SEMA4F: variants seen among roughly 807,000 people sequenced by gnomAD.
The protein encoded by SEMA4F is semaphorin-4F.
In SEMA4F, 51 loss-of-function variants were observed where a neutral mutation model predicts 78.4. That is an observed-to-expected ratio of 0.65 (90% CI 0.52 to 0.82). SEMA4F has a LOEUF of 0.82. Ranked by LOEUF, SEMA4F falls within the 40% of genes least tolerant of loss-of-function variation. The pLI, the probability that SEMA4F is intolerant of heterozygous loss-of-function variation, is 0.00. For synonymous variants in SEMA4F, 418 were observed against 408.7 expected (o/e 1.02, Z -0.27); for missense variants, 938 against 1,014.4 (o/e 0.92, Z 1.02).
At position 74,657,886 on chromosome 2, in the gene SEMA4F, A is replaced by G; in HGVS notation, c.391A>G (p.Ile131Val). 1 of 1,614,190 alleles carries G rather than the reference A, an allele frequency of 6.2e-7. No homozygotes were observed. The highest frequency in any genetic ancestry group is 8.5e-7 in the Non-Finnish European group (1 of 1,180,032). Residue 131 changes from isoleucine to valine, a missense_variant, in exon 4 of 14, where the codon ATT (isoleucine) becomes GTT (valine). Physicochemically the swap from Ile to Val is conservative, Grantham distance 29 (BLOSUM62 3). Coordinates refer to ENST00000357877, the MANE Select transcript of SEMA4F (RefSeq NM_004263.5). The stretch of plus-strand genomic sequence containing the variant: ...TCACAATTTTGTCCAGATTCTCGCC[A>G]TTGCCAATGCCTCTCACCTCCTCAC... ...ECHNFVQILA[I>V]ANASHLLTCG...
chr2:74,698,923 C>T, the SEMA4F span, among the ~76,000 whole-genome samples: 30 of 152,216 alleles, frequency 2.0e-4, no homozygotes, highest in Non-Finnish European at 4.0e-4. Flanking sequence ...TGCATAAGCT[C>T]CATTTTGCTT....
intron 4 of SEMA4F, among the ~76,000 whole-genome samples, chr2:74,662,387 C>T (rs969335218): frequency 6.6e-6 from 1 of 152,170 alleles, no homozygotes; most frequent in African/African-American, 2.4e-5. Flanking sequence ...GTTACAAACC[C>T]TACAGTTCAG....
the SEMA4F span, among the ~76,000 whole-genome samples, chr2:74,707,466 T>A: frequency 6.6e-6 from 1 of 151,934 alleles, no homozygotes; most frequent in South Asian, 2.1e-4. Flanking sequence ...AAATGTTCAT[T>A]GTATTCTTGC....
chr2:74,668,818 C>T lies in SEMA4F; in HGVS notation c.551-4639C>T, dbSNP rs138638745. Among the ~76,000 whole-genome samples the T allele has an allele frequency of 6.9e-3, 1,035 of 149,336 alleles. 6 individuals carry two copies. Among genetic ancestry groups the T allele is most frequent in the African/African-American group, 0.017 (678 of 40,248 alleles). On this transcript the variant is annotated intron_variant, in intron 5 of 13. Coordinates refer to ENST00000357877, the MANE Select transcript of SEMA4F (RefSeq NM_004263.5). ...CTAATTTTTATATTTTTAGCAGAGA[C>T]GGGGTTTTGCCTTGTTGGCCAGGCT...
At position 74,654,428 on chromosome 2, in the gene SEMA4F, T is replaced by C. The variant is rs530989148; in HGVS notation, c.52T>C (p.Ser18Pro). 5.1e-6 allele frequency: 8 copies of C among 1,562,256 alleles called. No individual in the cohort carries two copies. Among genetic ancestry groups the C allele is most frequent in the Admixed American group, 3.6e-5 (2 of 55,544 alleles). ...CCCGGGTCCCGGGCAGCCTACAGCC[T>C]CGCCCTTCCCGCTACTGCTGCTGGC... is the stretch of plus-strand genomic sequence containing the variant. Reference protein sequence around the residue: ...PRPGPGQPTASPFPLLLLAVL... With the variant: ...PRPGPGQPTAPPFPLLLLAVL... Residue 18 changes from serine (S) to proline (P), a missense_variant, in exon 1 of 14, where the codon TCG becomes CCG. Transcript: ENST00000357877.
chr2:74,699,384 A>G, the SEMA4F span, among the ~76,000 whole-genome samples: 1 of 152,110 alleles, frequency 6.6e-6, no homozygotes, highest in African/African-American at 2.4e-5. Flanking sequence ...TGGATCAGAT[A>G]CCTCCTAGGT....
downstream of SEMA4F, among the ~76,000 whole-genome samples, chr2:74,687,114 G>A (rs773230594): frequency 8.5e-5 from 13 of 152,230 alleles, no homozygotes; most frequent in Non-Finnish European, 1.9e-4. Flanking sequence ...AGCCTCACAT[G>A]TTAGGACCTC....
intron 1 of SEMA4F, among the ~76,000 whole-genome samples, chr2:74,655,654 G>T (rs561167660): frequency 6.6e-6 from 1 of 152,210 alleles, no homozygotes; most frequent in South Asian, 2.1e-4. Flanking sequence ...GCCAGGCTGG[G>T]TTGATGTCCA....
rs758689371 is a variant in SEMA4F, at chr2:74,654,563, A to G, written c.145+42A>G. 5.5e-6 allele frequency: 8 copies of G among 1,444,166 alleles called. No homozygotes were observed. In the African/African-American group the frequency reaches 1.2e-4, roughly 21 times the overall value. The allele number at this position is 1,444,166 out of a possible 1,614,324, so 89.5% of individuals were successfully genotyped here. On this transcript the variant is annotated intron_variant, in intron 1 of 13. Transcript: ENST00000357877. ...CACGCCCTCAGCCCTTCGCGCCCAC[A>G]CCCACACCCACACCCACCTGCTCCT...
chr2:74,665,902 GTT>G (rs1203822562), intron 5 of SEMA4F, among the ~76,000 whole-genome samples: 4 of 135,958 alleles, frequency 2.9e-5, no homozygotes, highest in African/African-American at 1.1e-4. Context: ...AGTAATTTTT[GTT>G]TTTTTTTTTT....
In SEMA4F at chr2:74,664,806, T is replaced by C. The variant is rs150807006; in HGVS notation, c.550+1981T>C. Among the ~76,000 whole-genome samples the C allele has an allele frequency of 4.6e-3, 696 of 152,344 alleles. 6 individuals are homozygous for C. Among genetic ancestry groups the C allele is most frequent in the African/African-American group, 0.016 (668 of 41,592 alleles). ...TCATGTTCTTGGACCAGTTAAGAGG[T>C]AGGATATTAGTATTTCAATTACATA... On this transcript the variant is annotated intron_variant, in intron 5 of 13. Transcript: ENST00000357877.
the SEMA4F span, among the ~76,000 whole-genome samples, chr2:74,701,216 G>A: frequency 6.6e-6 from 1 of 152,084 alleles, no homozygotes. Flanking sequence ...TCCTATTGAG[G>A]TGATCACTGG....
intron 5 of SEMA4F, among the ~76,000 whole-genome samples, chr2:74,669,512 G>C (rs113128591): frequency 0.018 from 2,799 of 152,144 alleles, 87 homozygotes; most frequent in African/African-American, 0.064. Context: ...TTGAACCTGG[G>C]AGGCGGAGAT....
At chr2:74,674,724 G>C in intron 8 of SEMA4F, 48 bp downstream of exon 8, 1 of 1,596,564 alleles carries the variant, frequency 6.3e-7, no homozygotes, top group Non-Finnish European at 8.5e-7. Flanking sequence ...GAGATATGTG[G>C]GGTTGGCACA....
chr2:74,660,656 G>C (rs1031267655), intron 4 of SEMA4F, among the ~76,000 whole-genome samples: 2 of 152,318 alleles, frequency 1.3e-5, no homozygotes, highest in Non-Finnish European at 1.5e-5. Flanking sequence ...TTTCAGACCC[G>C]AGTTAAATGT....
rs1240683878 is a variant in SEMA4F, at chr2:74,656,045, G to A, written c.146-489G>A. ...TTTTTTTGAAGCGGAGTCTTGCTCT[G>A]TCACCCAGGCTGGTGTGCAGTGGTG... On this transcript the variant is annotated intron_variant, in intron 1 of 13. Transcript: ENST00000357877. 2.7e-5 allele frequency among the ~76,000 whole-genome samples: 4 copies of A among 150,390 alleles called. No individual in the cohort carries two copies. The East Asian group carries it at 5.8e-4, about 22-fold the overall frequency.
chr2:74,676,652 C>T (rs958131260), intron 12 of SEMA4F, among the ~76,000 whole-genome samples: 2 of 152,140 alleles, frequency 1.3e-5, no homozygotes, highest in Non-Finnish European at 2.9e-5. Context: ...TTCTAGCACC[C>T]AAATGTCCTT....
chr2:74,706,067 C>T, the SEMA4F span, among the ~76,000 whole-genome samples: 1,630 of 151,712 alleles, frequency 0.011, 31 homozygotes, highest in African/African-American at 0.038. Context: ...ACATTTTAGG[C>T]TTTGGGAATT....
the SEMA4F span, among the ~76,000 whole-genome samples, chr2:74,699,289 T>C: frequency 6.6e-6 from 1 of 152,186 alleles, no homozygotes; most frequent in Non-Finnish European, 1.5e-5. Context: ...CCCCTTGGGG[T>C]ACACACAGAA....
Sources: gnomAD v4.1 joint callset for allele counts (sites outside exome capture counted in the v4.1 genomes callset) on GRCh38, gnomAD v4.1.1 for gene constraint, MANE v1.5 for transcripts, NCBI Gene and HGNC (gene_info 2026-07-23, HGNC 2026-07-21) for gene names.